SRP19: variants seen among roughly 807,000 people sequenced by gnomAD.
SRP19 encodes signal recognition particle 19 kDa protein.
A neutral mutation model predicts 22.4 loss-of-function variants in SRP19; 11 were observed. The ratio of observed to expected loss-of-function variants is 0.49; its 90% CI spans 0.31 to 0.81. SRP19 has a LOEUF of 0.81. SRP19 is among the 40% of genes least tolerant of loss of function. The pLI, the probability that SRP19 is intolerant of heterozygous loss-of-function variation, is 0.05. For missense variants in SRP19, 168 were observed against 175.9 expected (o/e 0.96, Z 0.25); for synonymous variants, 61 against 57.6 (o/e 1.06, Z -0.27).
chr5:112,886,622 G>C (rs1433373398), intron 4 of SRP19, among the ~76,000 whole-genome samples: 1 of 152,158 alleles, frequency 6.6e-6, no homozygotes, highest in Non-Finnish European at 1.5e-5. Flanking sequence ...AATTTTTCCT[G>C]CTAGTATAGC....
chr5:112,873,797 G>C (rs1243817551), downstream of SRP19, among the ~76,000 whole-genome samples: 1 of 150,736 alleles, frequency 6.6e-6, no homozygotes, highest in East Asian at 1.9e-4. Flanking sequence ...TTTTTATTTT[G>C]ATCCCTATCA....
intron 4 of SRP19, chr5:112,882,041 T>C (rs1319778992): frequency 1.3e-5 from 2 of 153,816 alleles, no homozygotes; most frequent in East Asian, 3.9e-4. Context: ...GGAAGTGCTG[T>C]GATTACAGGT....
At position 112,865,605 on chromosome 5, in the gene SRP19, AT is replaced by A. The variant is rs764675780; in HGVS notation, c.301+887del. 5.3e-3 allele frequency among the ~76,000 whole-genome samples: 765 copies of A among 144,858 alleles called. 5 individuals are homozygous for A. Among genetic ancestry groups the A allele is most frequent in the Middle Eastern group, 0.014 (4 of 278 alleles). On this transcript the variant is annotated intron_variant, in intron 4 of 4. Transcript: ENST00000505459. The stretch of plus-strand genomic sequence containing the variant: ...GTCAGACGAACTGACAGCTTGTTTG[AT>A]TTTTTTTTTTTTTGAGATGGAGTCT...
At chr5:112,880,888 AGAGGCCGAGGTGGGTGGATCACTT>A (rs1242520351) in intron 4 of SRP19, among the ~76,000 whole-genome samples, 2 of 152,068 alleles carry the variant, frequency 1.3e-5, no homozygotes, top group Non-Finnish European at 2.9e-5. Context: ...CAGCATTTTG[AGAGGCCGAGGTGGGTGGATCACTT>A]GAGGCCAGGA....
At position 112,867,864 on chromosome 5, in the gene SRP19, ATTT is replaced by A. The variant is rs1420898976; in HGVS notation, c.*329_*331del. 37 of 1,023,904 alleles carry A rather than the reference ATTT, an allele frequency of 3.6e-5. No homozygotes were observed. In the South Asian group the frequency reaches 1.5e-3, roughly 40 times the overall value. 63.4% of individuals were successfully genotyped at this position (1,023,904 alleles called of 1,614,324 possible). On this transcript the variant is annotated 3_prime_UTR_variant, in exon 5 of 5. Transcript: ENST00000505459. ...AATTTCAATTAGATTTAAAATAAAC[ATTT>A]TGTCCACCTTTTAAGTTAATGAAAT...
Position 112,881,243 on chromosome 5 carries a change from T to C in SRP19, c.302-10360T>C, listed in dbSNP as rs149135299. ...TAGACTGGATTTGTATGCCCAAAAA[T>C]AGGAGTCCAGAGAAGAGAGGTCTGT... On this transcript the variant is annotated intron_variant, in intron 4 of 4. Transcript: ENST00000391338. Among the ~76,000 whole-genome samples the C allele has an allele frequency of 1.1e-3, 160 of 147,336 alleles. 1 individual carries two copies. The highest frequency in any genetic ancestry group is 3.7e-3 in the Middle Eastern group (1 of 268).
intron 4 of SRP19, chr5:112,878,917 T>C: frequency 6.2e-7 from 1 of 1,603,968 alleles, no homozygotes; most frequent in South Asian, 1.1e-5. Context: ...GTGCCTAATG[T>C]AGCTACTAGA....
At chr5:112,893,053 A>T (rs1455201260) in exon 5 of SRP19, 3 of 1,421,262 alleles carry the variant, frequency 2.1e-6, no homozygotes, top group East Asian at 4.6e-5. Flanking sequence ...TAGAGACAGA[A>T]CTGTTCAGAG....
rs541990067 is a variant in SRP19 at position 112,889,983 on chromosome 5, T to TG, written c.302-1619dup. ...CTGGGACTGCAGGCAAACACCACCATGCCCAGCTAATTTTTGTATTTTTAG... is the reference window on the plus strand; with the variant it reads ...CTGGGACTGCAGGCAAACACCACCATGGCCCAGCTAATTTTTGTATTTTTAG... On this transcript the variant is annotated intron_variant, in intron 4 of 4. Coordinates refer to the SRP19 transcript ENST00000391338. Among the ~76,000 whole-genome samples the TG allele has an allele frequency of 1.9e-3, 280 of 150,414 alleles. 20 individuals are homozygous for TG. The highest frequency in any genetic ancestry group is 6.8e-3 in the African/African-American group (273 of 40,346).
chr5:112,893,859 A>T (rs968201967), downstream of SRP19: 2 of 152,184 alleles, frequency 1.3e-5, no homozygotes, highest in African/African-American at 4.8e-5. Flanking sequence ...TTTCCCAGCA[A>T]CTCTGCTCTA....
At chr5:112,891,707 A>C in exon 5 of SRP19, 1 of 1,614,152 alleles carries the variant, frequency 6.2e-7, no homozygotes, top group Non-Finnish European at 8.5e-7. Context: ...AGCCACAAAA[A>C]GTACAGGGCC....
downstream of SRP19, among the ~76,000 whole-genome samples, chr5:112,871,805 T>C (rs1029695971): frequency 2.0e-5 from 3 of 152,162 alleles, no homozygotes; most frequent in Non-Finnish European, 2.9e-5. Context: ...GCTGTTCTTA[T>C]ACTCCTGGGC....
intron 4 of SRP19, among the ~76,000 whole-genome samples, chr5:112,866,740 T>G (rs1217750529): frequency 6.6e-6 from 1 of 152,236 alleles, no homozygotes; most frequent in Non-Finnish European, 1.5e-5. Context: ...TTTTTTCTCC[T>G]TAACATTTTC....
chr5:112,867,886 A>C lies in SRP19; in HGVS notation c.*349A>C. ...AACATTTTGTCCACCTTTTAAGTTA[A>C]TGAAATAAAATTTGAAACTGACTTT... On this transcript the variant is annotated 3_prime_UTR_variant, in exon 5 of 5. Coordinates refer to ENST00000505459, the MANE Select transcript of SRP19 (RefSeq NM_003135.3). The C allele has an allele frequency of 1.0e-6, 1 of 992,660 alleles. No homozygotes were observed. The highest frequency in any genetic ancestry group is 1.2e-6 in the Non-Finnish European group (1 of 833,238). The allele number at this position is 992,660 out of a possible 1,614,324, so 61.5% of individuals were successfully genotyped here. A position where few individuals can be genotyped will look rare whatever the true frequency, so the allele number is the denominator to read the frequency against.
chr5:112,871,830 C>G (rs985732503), downstream of SRP19, among the ~76,000 whole-genome samples: 18 of 152,118 alleles, frequency 1.2e-4, no homozygotes, highest in South Asian at 6.2e-4. Flanking sequence ...GCAATTCTCT[C>G]AAGTGGTTGG....
At chr5:112,865,513 C>G (rs796746828) in intron 4 of SRP19, among the ~76,000 whole-genome samples, 31 of 151,882 alleles carry the variant, frequency 2.0e-4, no homozygotes, top group African/African-American at 6.3e-4. Flanking sequence ...TTAATTTTTT[C>G]TTTCAGTTTA....
intron 2 of SRP19, among the ~76,000 whole-genome samples, chr5:112,863,192 T>A (rs1427473877): frequency 6.6e-6 from 1 of 152,224 alleles, no homozygotes; most frequent in Non-Finnish European, 1.5e-5. Flanking sequence ...AATACCAGGA[T>A]GACCACCGTT....
downstream of SRP19, chr5:112,894,234 C>G (rs540895810): frequency 1.7e-3 from 259 of 152,150 alleles, 1 homozygote; most frequent in Non-Finnish European, 2.1e-3. Context: ...ATTCCCCTGC[C>G]TCAACCTCTC....
downstream of SRP19, chr5:112,898,057 C>CCAAAAAA (rs1377222332): frequency 6.6e-6 from 1 of 151,934 alleles, no homozygotes; most frequent in Non-Finnish European, 1.5e-5. Flanking sequence ...ACACTCTGTC[C>CCAAAAAA]CAAAAAACAA....
Sources: gnomAD v4.1 joint callset for allele counts (sites outside exome capture counted in the v4.1 genomes callset) on GRCh38, gnomAD v4.1.1 for gene constraint, MANE v1.5 for transcripts, NCBI Gene and HGNC (gene_info 2026-07-23, HGNC 2026-07-21) for gene names.